The following ADAMTS12 variants were observed in gnomAD, a reference collection of about 807,000 sequenced individuals.
ADAMTS12 encodes A disintegrin and metalloproteinase with thrombospondin motifs 12.
ADAMTS12 carries 118 observed loss-of-function variants against 167.8 expected under a neutral mutation model. The ratio of observed to expected loss-of-function variants is 0.70; its 90% CI spans 0.61 to 0.82. ADAMTS12 has a LOEUF of 0.82. Ranked by LOEUF, ADAMTS12 falls within the 40% of genes least tolerant of loss-of-function variation. The pLI, the probability that ADAMTS12 is intolerant of heterozygous loss-of-function variation, is 0.00. For synonymous variants in ADAMTS12, 704 were observed against 716.9 expected (o/e 0.98, Z 0.29); for missense variants, 1,916 against 1,998.8 (o/e 0.96, Z 0.79).
chr5:33,669,058 T>TA (rs1261963539), intron 5 of ADAMTS12, among the ~76,000 whole-genome samples: 3 of 152,098 alleles, frequency 2.0e-5, no homozygotes, highest in Non-Finnish European at 4.4e-5. Flanking sequence ...AAACCAAAAA[T>TA]AGGGATTTGC....
chr5:33,878,782 T>C (rs960847551), intron 2 of ADAMTS12, among the ~76,000 whole-genome samples: 2 of 152,194 alleles, frequency 1.3e-5, no homozygotes, highest in African/African-American at 2.4e-5. Context: ...GCTGGGACTC[T>C]ACTCTCAGAC....
chr5:33,798,903 A>G (rs768465456), intron 2 of ADAMTS12, among the ~76,000 whole-genome samples: 4 of 152,202 alleles, frequency 2.6e-5, no homozygotes, highest in African/African-American at 4.8e-5. Context: ...AACAGATAGC[A>G]TCACCTTAGA....
rs60630543 is a variant in ADAMTS12 at position 33,590,898 on chromosome 5, C to CTT, written c.2655-2091_2655-2090dup. On this transcript the variant is annotated intron_variant, in intron 17 of 23. Transcript: ENST00000504830. ...TAAAGTGAAAACCATCTTCTTCTTC[C>CTT]TTTTTTTTTTTTTTTTTTCCTGTAA... 9.2e-4 allele frequency among the ~76,000 whole-genome samples: 127 copies of CTT among 137,842 alleles called. 3 individuals are homozygous for CTT. The highest frequency in any genetic ancestry group is 7.4e-3 in the Admixed American group (103 of 13,830). 90.4% of individuals were successfully genotyped at this position (137,842 alleles called of 152,430 possible).
intron 2 of ADAMTS12, among the ~76,000 whole-genome samples, chr5:33,810,683 G>C (rs917452478): frequency 6.6e-6 from 1 of 152,166 alleles, no homozygotes; most frequent in Non-Finnish European, 1.5e-5. Context: ...AGCAAAACAA[G>C]GGATATGACA....
At chr5:33,849,825 T>A (rs1297449575) in intron 2 of ADAMTS12, among the ~76,000 whole-genome samples, 1 of 150,694 alleles carries the variant, frequency 6.6e-6, no homozygotes, top group Non-Finnish European at 1.5e-5. Flanking sequence ...ATACATTGTA[T>A]CAATATATAT....
chr5:33,561,077 T>G lies in ADAMTS12; in HGVS notation c.4075A>C (p.Arg1359=). ...AAIQRPDPAK[R]CHLRPCAGWK... The stretch of plus-strand genomic sequence containing the variant: ...CCAGCACAGGGACGGAGGTGGCATC[T>G]TTTTGCAGGGTCAGGTCTCTGGATG... Residue 1359 remains arginine (R), a synonymous_variant, in exon 20 of 24, where the codon AGA becomes CGA. Transcript: ENST00000504830. 1 of 1,614,208 alleles carries G rather than the reference T, an allele frequency of 6.2e-7. No individual in the cohort carries two copies. Among genetic ancestry groups the G allele is most frequent in the South Asian group, 1.1e-5 (1 of 91,088 alleles).
At position 33,844,616 on chromosome 5, in the gene ADAMTS12, G is replaced by A. The variant is rs531508366; in HGVS notation, c.489+36503C>T. Among the ~76,000 whole-genome samples, 46 of 152,234 alleles carry A rather than the reference G, an allele frequency of 3.0e-4. No individual in the cohort carries two copies. The East Asian group carries it at 8.1e-3, about 27-fold the overall frequency. On this transcript the variant is annotated intron_variant, in intron 2 of 23. Transcript: ENST00000504830. Reference sequence around the variant, plus strand: ...GATGTTATCAATGACAATGGTGCCCGAAACTTCATTAGCAATTTTAATTTT... The same window carrying A: ...GATGTTATCAATGACAATGGTGCCCAAAACTTCATTAGCAATTTTAATTTT...
At chr5:33,573,910 A>G (rs1192756209) in intron 19 of ADAMTS12, among the ~76,000 whole-genome samples, 6 of 152,224 alleles carry the variant, frequency 3.9e-5, no homozygotes, top group Non-Finnish European at 8.8e-5. Context: ...GAAAAAAACA[A>G]ACAACCCCAT....
chr5:33,849,266 C>A (rs1328392155), intron 2 of ADAMTS12, among the ~76,000 whole-genome samples: 3 of 103,476 alleles, frequency 2.9e-5, no homozygotes, highest in South Asian at 3.3e-4. Flanking sequence ...ATATGTATTG[C>A]ATAGCAATAT....
intron 3 of ADAMTS12, among the ~76,000 whole-genome samples, chr5:33,691,960 C>T (rs549586733): frequency 6.6e-6 from 1 of 152,312 alleles, no homozygotes; most frequent in South Asian, 2.1e-4. Context: ...TCTCAGTGTC[C>T]CTACCCCACT....
intron 16 of ADAMTS12, among the ~76,000 whole-genome samples, chr5:33,596,344 A>C (rs1561155811): frequency 1.3e-5 from 2 of 152,190 alleles, no homozygotes; most frequent in Admixed American, 6.5e-5. Context: ...CATGGAGACG[A>C]GACTAACACA....
intron 2 of ADAMTS12, among the ~76,000 whole-genome samples, chr5:33,824,096 T>A (rs189735100): frequency 9.2e-5 from 14 of 152,316 alleles, no homozygotes; most frequent in African/African-American, 3.1e-4. Flanking sequence ...ATGAGCCAAC[T>A]CACTCACTGA....
At chr5:33,738,883 C>T (rs555265359) in intron 3 of ADAMTS12, among the ~76,000 whole-genome samples, 1 of 152,300 alleles carries the variant, frequency 6.6e-6, no homozygotes, top group Non-Finnish European at 1.5e-5. Flanking sequence ...GAAAATGAGC[C>T]CTCTGCCCTT....
At chr5:33,644,138 T>G (rs1055882318) in intron 9 of ADAMTS12, among the ~76,000 whole-genome samples, 3 of 152,242 alleles carry the variant, frequency 2.0e-5, no homozygotes, top group African/African-American at 4.8e-5. Flanking sequence ...CTACACTGCA[T>G]GTGTTTTTTC....
intron 2 of ADAMTS12, among the ~76,000 whole-genome samples, chr5:33,826,338 C>T (rs1748068715): frequency 6.6e-6 from 1 of 151,342 alleles, no homozygotes; most frequent in African/African-American, 2.4e-5. Context: ...GATTAGCTGC[C>T]CACCTAACTC....
At chr5:33,557,511 G>T (rs1007420257) in intron 20 of ADAMTS12, among the ~76,000 whole-genome samples, 2 of 152,090 alleles carry the variant, frequency 1.3e-5, no homozygotes, top group African/African-American at 2.4e-5. Context: ...TGAAAAAGGG[G>T]TCTCCAACTA....
At chr5:33,854,769 C>G (rs555076859) in intron 2 of ADAMTS12, among the ~76,000 whole-genome samples, 1 of 152,116 alleles carries the variant, frequency 6.6e-6, no homozygotes, top group African/African-American at 2.4e-5. Flanking sequence ...GCACTGATAG[C>G]GACAGGAGGA....
In ADAMTS12 at chr5:33,883,338, TTTTG is replaced by T. The variant is rs547344457; in HGVS notation, c.128-1862_128-1859del. The stretch of plus-strand genomic sequence containing the variant: ...TTGGTTTTTTTTTTGTTTTTTTTTT[TTTTG>T]TTTTTTTTTTTTCCAGGCAACTACC... On this transcript the variant is annotated intron_variant, in intron 1 of 23. Transcript: ENST00000504830. Among the ~76,000 whole-genome samples, 1,345 of 147,256 alleles carry T rather than the reference TTTTG, an allele frequency of 9.1e-3. 11 individuals carry two copies. Among genetic ancestry groups the T allele is most frequent in the African/African-American group, 0.033 (1,282 of 38,752 alleles).
At chr5:33,632,984 G>T (rs1487785897) in intron 12 of ADAMTS12, among the ~76,000 whole-genome samples, 1 of 151,962 alleles carries the variant, frequency 6.6e-6, no homozygotes, top group African/African-American at 2.4e-5. Flanking sequence ...TCACTAAAAG[G>T]AATGAGGTAA....
Sources: gnomAD v4.1 joint callset for allele counts (sites outside exome capture counted in the v4.1 genomes callset) on GRCh38, gnomAD v4.1.1 for gene constraint, MANE v1.5 for transcripts, NCBI Gene and HGNC (gene_info 2026-07-23, HGNC 2026-07-21) for gene names.